ZNF462: variants seen among roughly 807,000 people sequenced by gnomAD.
ZNF462 encodes the protein zinc finger protein 462, also known as zinc finger PBX1-interacting protein.
A neutral mutation model predicts 201.9 loss-of-function variants in ZNF462; 10 were observed. The observed-to-expected ratio is 0.05, with a 90% CI of 0.03 to 0.08. The LOEUF is 0.08. Ranked by LOEUF, ZNF462 falls within the 10% of genes least tolerant of loss-of-function variation. The pLI is 1.00. For missense variants in ZNF462, 2,523 were observed against 3,168.3 expected (o/e 0.80, Z 4.89); for synonymous variants, 1,227 against 1,193.3 (o/e 1.03, Z -0.58).
Position 107,010,805 on chromosome 9 carries a change from C to T in ZNF462, c.7314-18C>T, listed in dbSNP as rs144855214. 2.9e-5 allele frequency: 47 copies of T among 1,603,750 alleles called. No homozygotes were observed. The highest frequency in any genetic ancestry group is 3.6e-5 in the Non-Finnish European group (42 of 1,174,592). Reference sequence around the variant, plus strand: ...TATATACTATACTCATCTGTCTCTTCGATAAATGTTTTTCCAGGGCATTGA... The same window carrying T: ...TATATACTATACTCATCTGTCTCTTTGATAAATGTTTTTCCAGGGCATTGA... On this transcript the variant is annotated intron_variant, in intron 12 of 12. Transcript: ENST00000277225. The surrounding 1 kb of genome is among the most constrained non-coding windows in gnomAD (Gnocchi z 4.6).
rs956931334 is a variant in ZNF462 at position 106,974,575 on chromosome 9, G to A, written c.6832+302G>A. 5.2e-5 allele frequency: 23 copies of A among 440,350 alleles called. No homozygotes were observed. Among genetic ancestry groups the A allele is most frequent in the East Asian group, 3.4e-4 (7 of 20,404 alleles). The allele number at this position is 440,350 out of a possible 1,614,324, so 27.3% of individuals were successfully genotyped here. On this transcript the variant is annotated intron_variant, in intron 9 of 12. Transcript: ENST00000277225. The surrounding 1 kb of genome is among the most constrained non-coding windows in gnomAD (Gnocchi z 4.0). Reference sequence around the variant, plus strand: ...ACAATTCTGCCACCCACAGCCTTGCGTAGACTGCATAGAAGGAATGAACAA... The same window carrying A: ...ACAATTCTGCCACCCACAGCCTTGCATAGACTGCATAGAAGGAATGAACAA...
At chr9:106,943,610 T>G (rs901315800) in intron 7 of ZNF462, among the ~76,000 whole-genome samples, 1 of 152,210 alleles carries the variant, frequency 6.6e-6, no homozygotes, top group Non-Finnish European at 1.5e-5. Context: ...TTCACTTCCT[T>G]TAAGGATTGA....
intron 1 of ZNF462, among the ~76,000 whole-genome samples, chr9:106,878,585 A>T (rs557819117): frequency 6.6e-6 from 1 of 152,306 alleles, no homozygotes; most frequent in South Asian, 2.1e-4. Context: ...CCCAGGGGAT[A>T]TGAGATCTCT....
At chr9:106,864,603 C>T (rs1318968035) in intron 1 of ZNF462, among the ~76,000 whole-genome samples, 1 of 152,062 alleles carries the variant, frequency 6.6e-6, no homozygotes, top group East Asian at 1.9e-4. Flanking sequence ...AAGGAACCCT[C>T]GTTTTCTTTT....
At chr9:106,971,966 T>C in intron 7 of ZNF462, 39 bp from the exon 8 acceptor site, 1 of 1,587,132 alleles carries the variant, frequency 6.3e-7, no homozygotes, top group Non-Finnish European at 8.6e-7. Context: ...ACCTACTGTG[T>C]TCTCTGTGCC....
rs1830304223 is a variant in ZNF462 at position 106,928,728 on chromosome 9, G to A, written c.4816G>A (p.Asp1606Asn). The stretch of plus-strand genomic sequence containing the variant: ...GAAGTATCACAATCAGCCTGAATTT[G>A]ATGTCTTTTCCCAGTCGCCCCCGAA... Reference protein sequence around the residue: ...YEKYHNQPEFDVFSQSPPKLP... With the variant: ...YEKYHNQPEFNVFSQSPPKLP... Residue 1606 changes from aspartate to asparagine, a missense_variant, in exon 3 of 13, where the codon GAT (aspartate) becomes AAT (asparagine). By Grantham distance (23) the Asp-to-Asn change is conservative (BLOSUM62 1). Coordinates refer to ENST00000277225, the MANE Select transcript of ZNF462 (RefSeq NM_021224.6). The surrounding 1 kb of genome is among the most constrained non-coding windows in gnomAD (Gnocchi z 9.3). The A allele has an allele frequency of 1.7e-5, 28 of 1,614,108 alleles. No homozygotes were observed. The highest frequency in any genetic ancestry group is 2.4e-5 in the Non-Finnish European group (28 of 1,180,028).
Position 106,886,126 on chromosome 9 carries a change from GTTGGC to G in ZNF462, c.-31+22772_-31+22776del, listed in dbSNP as rs2130989330. On this transcript the variant is annotated intron_variant, in intron 1 of 12. Transcript: ENST00000277225. The surrounding 1 kb of genome is among the most constrained non-coding windows in gnomAD (Gnocchi z 4.6). ...TAACTCATACCCAAGAAGTGGGTTT[GTTGGC>G]CTTAGCCTGATAGGTGGTAGCCACA... 6.6e-6 allele frequency among the ~76,000 whole-genome samples: 1 copy of G among 152,282 alleles called. No individual in the cohort carries two copies. Among genetic ancestry groups the G allele is most frequent in the Non-Finnish European group, 1.5e-5 (1 of 68,012 alleles).
chr9:106,991,587 G>A (rs1248173811), intron 10 of ZNF462, among the ~76,000 whole-genome samples: 1 of 151,868 alleles, frequency 6.6e-6, no homozygotes, highest in Non-Finnish European at 1.5e-5. Context: ...GAATATCCTA[G>A]TGTGGAGAAA....
chr9:107,004,082 TATTTAGTTGTGGATATAC>T (rs1829383578), intron 11 of ZNF462, among the ~76,000 whole-genome samples: 2 of 152,218 alleles, frequency 1.3e-5, no homozygotes, highest in African/African-American at 4.8e-5. Flanking sequence ...TTCAAAAGTA[TATTTAGTTGTGGATATAC>T]ATTTATGTGA....
chr9:106,915,688 G>C (rs981034245), intron 1 of ZNF462, among the ~76,000 whole-genome samples: 4 of 152,188 alleles, frequency 2.6e-5, no homozygotes, highest in Admixed American at 2.6e-4. Context: ...CAGAAGTCAA[G>C]AAGAGGAAAA....
chr9:106,997,494 G>A (rs187117977), intron 10 of ZNF462, among the ~76,000 whole-genome samples: 2 of 152,154 alleles, frequency 1.3e-5, no homozygotes, highest in African/African-American at 4.8e-5. Flanking sequence ...ATATTATTCA[G>A]CCATGGAAAA....
At chr9:106,861,134 C>G (rs1827055055), upstream of ZNF462, among the ~76,000 whole-genome samples, 1 of 151,860 alleles carries the variant, frequency 6.6e-6, no homozygotes, top group Non-Finnish European at 1.5e-5. Flanking sequence ...TTTAGGGATC[C>G]CGAGCTTTTC....
rs993018870 is a variant in ZNF462 at position 106,902,083 on chromosome 9, G to T, written c.-30-21271G>T. ...TCATAGATGGCTTTTATTACATTAA[G>T]GTATGTCTCTCGTATGCTGATTTTG... On this transcript the variant is annotated intron_variant, in intron 1 of 12. Coordinates refer to ENST00000277225, the MANE Select transcript of ZNF462 (RefSeq NM_021224.6). This position sits in a 1 kb window ranked among gnomAD's most constrained non-coding sequence, Gnocchi z 4.2. Among the ~76,000 whole-genome samples, 1 of 152,078 alleles carries T rather than the reference G, an allele frequency of 6.6e-6. No homozygotes were observed. Among genetic ancestry groups the T allele is most frequent in the Admixed American group, 6.6e-5 (1 of 15,260 alleles).
intron 8 of ZNF462, among the ~76,000 whole-genome samples, chr9:106,973,347 A>G (rs748665258): frequency 2.0e-5 from 3 of 151,998 alleles, no homozygotes; most frequent in African/African-American, 4.8e-5. Context: ...CTTTCCCACC[A>G]GCATCGTAGT....
Position 106,974,215 on chromosome 9 carries a change from C to T in ZNF462, c.6774C>T (p.Leu2258=). 1 of 1,614,174 alleles carries T rather than the reference C, an allele frequency of 6.2e-7. No individual in the cohort carries two copies. Among genetic ancestry groups the T allele is most frequent in the Non-Finnish European group, 8.5e-7 (1 of 1,180,026 alleles). The change falls in exon 9 of 13, where the codon CTC becomes CTT. Residue 2258 remains leucine, a synonymous_variant. Coordinates refer to ENST00000277225, the MANE Select transcript of ZNF462 (RefSeq NM_021224.6). This position sits in a 1 kb window ranked among gnomAD's most constrained non-coding sequence, Gnocchi z 4.0. ...EEGPKDLRCP[L]CLYHTKYKRN... ...GCCCCAAAGATCTTCGCTGTCCTCTCTGCCTCTATCACACCAAATACAAGC... is the reference window on the plus strand; with the variant it reads ...GCCCCAAAGATCTTCGCTGTCCTCTTTGCCTCTATCACACCAAATACAAGC...
In ZNF462 at chr9:106,865,207, T is replaced by A. The variant is rs1827278992; in HGVS notation, c.-31+1852T>A. On this transcript the variant is annotated intron_variant, in intron 1 of 12. Coordinates refer to ENST00000277225, the MANE Select transcript of ZNF462 (RefSeq NM_021224.6). The surrounding 1 kb of genome is among the most constrained non-coding windows in gnomAD (Gnocchi z 4.1). ...TCCATTTTAAAGTAAACTTTTGGAA[T>A]TTTTTTTCTCCTTTTGAGTGGACCT... Among the ~76,000 whole-genome samples the A allele has an allele frequency of 6.6e-6, 1 of 152,076 alleles. No homozygotes were observed. The highest frequency in any genetic ancestry group is 6.6e-5 in the Admixed American group (1 of 15,262).
At position 106,927,951 on chromosome 9, in the gene ZNF462, A is replaced by G. The variant is rs760967378; in HGVS notation, c.4039A>G (p.Thr1347Ala). ...EHYVDYTYMA[T>A]KLWAGPDPSP... Reference sequence around the variant, plus strand: ...CTATGTTGATTACACCTACATGGCTACTAAACTGTGGGCTGGGCCAGACCC... The same window carrying G: ...CTATGTTGATTACACCTACATGGCTGCTAAACTGTGGGCTGGGCCAGACCC... Residue 1347 changes from threonine to alanine, a missense_variant, in exon 3 of 13, where the codon ACT (threonine) becomes GCT (alanine). Coordinates refer to ENST00000277225, the MANE Select transcript of ZNF462 (RefSeq NM_021224.6). The G allele has an allele frequency of 1.9e-6, 3 of 1,614,164 alleles. No individual in the cohort carries two copies. The South Asian group carries it at 3.3e-5, about 18-fold the overall frequency.
intron 1 of ZNF462, among the ~76,000 whole-genome samples, chr9:106,868,913 G>C (rs1377143689): frequency 6.6e-6 from 1 of 152,168 alleles, no homozygotes; most frequent in South Asian, 2.1e-4. Flanking sequence ...ACGTTGGGGA[G>C]CCCAGGGTTG....
intron 1 of ZNF462, among the ~76,000 whole-genome samples, chr9:106,906,425 C>G (rs1414634544): frequency 1.3e-5 from 2 of 152,244 alleles, no homozygotes; most frequent in East Asian, 3.9e-4. Flanking sequence ...TAACAGAGAT[C>G]CCTGCTTTTC....
Sources: gnomAD v4.1 joint callset for allele counts (sites outside exome capture counted in the v4.1 genomes callset) on GRCh38, gnomAD v4.1.1 for gene constraint, Gnocchi (gnomAD v3.1) non-coding constraint, MANE v1.5 for transcripts, NCBI Gene and HGNC (gene_info 2026-07-23, HGNC 2026-07-21) for gene names.